The following SORCS2 variants were observed in gnomAD, a reference collection of about 807,000 sequenced individuals.
The protein encoded by SORCS2 is sortilin related VPS10 domain containing receptor 2.
SORCS2 carries 100 observed loss-of-function variants against 141.6 expected under a neutral mutation model. The ratio of observed to expected loss-of-function variants is 0.71; its 90% CI spans 0.60 to 0.83. The LOEUF (loss-of-function observed/expected upper bound fraction) is 0.83, where lower values mean the gene tolerates loss of function less well. Ranked by LOEUF, SORCS2 falls within the 40% of genes least tolerant of loss-of-function variation. The pLI is 0.00. For synonymous variants in SORCS2, 789 were observed against 676.9 expected, an observed-to-expected ratio of 1.17 and a Z score of -2.57; for missense variants, 1,646 against 1,560.2, an observed-to-expected ratio of 1.05 and a Z score of -0.93.
intron 1 of SORCS2, among the ~76,000 whole-genome samples, chr4:7,312,393 C>T (rs1296217727): frequency 6.6e-6 from 1 of 152,136 alleles, no homozygotes; most frequent in African/African-American, 2.4e-5. Context: ...CTGGGATGCC[C>T]CTCATGGGTT....
chr4:7,557,730 C>A (rs947368544), intron 3 of SORCS2, among the ~76,000 whole-genome samples: 5 of 152,168 alleles, frequency 3.3e-5, no homozygotes, highest in Non-Finnish European at 4.4e-5. Context: ...CACAGGCAAT[C>A]CCCAAGGCCT....
At chr4:7,232,899 G>T (rs915429321) in intron 1 of SORCS2, among the ~76,000 whole-genome samples, 2 of 152,214 alleles carry the variant, frequency 1.3e-5, no homozygotes, top group Non-Finnish European at 2.9e-5. Flanking sequence ...GGCACTGGGG[G>T]ACCCCCACCC....
At chr4:7,670,749 C>A (rs772372295) in intron 8 of SORCS2, among the ~76,000 whole-genome samples, 1 of 152,170 alleles carries the variant, frequency 6.6e-6, no homozygotes, top group Non-Finnish European at 1.5e-5. Context: ...TCCCCCACCC[C>A]GGCCCCATGG....
chr4:7,635,449 C>T (rs1207175891), intron 3 of SORCS2, among the ~76,000 whole-genome samples: 1 of 152,242 alleles, frequency 6.6e-6, no homozygotes, highest in Non-Finnish European at 1.5e-5. Context: ...ATCACTCTTA[C>T]GTCCCGCCAA....
chr4:7,317,065 A>G (rs9884489), intron 1 of SORCS2, among the ~76,000 whole-genome samples: 89,325 of 151,974 alleles, frequency 0.59, 26,321 homozygotes, highest in South Asian at 0.72. Context: ...GACTGTTGGG[A>G]CACCAGAATA....
intron 1 of SORCS2, among the ~76,000 whole-genome samples, chr4:7,194,209 T>TAGGGGTCCCCTA (rs1727034347): frequency 6.6e-6 from 1 of 152,010 alleles, no homozygotes; most frequent in Non-Finnish European, 1.5e-5. Context: ...TGCTGTCTCC[T>TAGGGGTCCCCTA]GGGGTCCCCT....
chr4:7,415,533 C>T (rs1005245628), intron 2 of SORCS2, among the ~76,000 whole-genome samples: 2 of 152,186 alleles, frequency 1.3e-5, no homozygotes, highest in African/African-American at 4.8e-5. Flanking sequence ...CCTGGATAAT[C>T]TAGGATAATC....
intron 1 of SORCS2, among the ~76,000 whole-genome samples, chr4:7,318,250 T>A (rs1245068952): frequency 6.6e-6 from 1 of 152,202 alleles, no homozygotes; most frequent in Non-Finnish European, 1.5e-5. Flanking sequence ...ATTATCCAGC[T>A]AAGAGGTGGC....
intron 1 of SORCS2, among the ~76,000 whole-genome samples, chr4:7,371,682 TG>T (rs1722257274): frequency 6.6e-6 from 1 of 152,140 alleles, no homozygotes; most frequent in African/African-American, 2.4e-5. Flanking sequence ...TAATTACTTG[TG>T]GATGAACTGA....
At chr4:7,671,831 A>T (rs971669745) in intron 8 of SORCS2, among the ~76,000 whole-genome samples, 1 of 152,174 alleles carries the variant, frequency 6.6e-6, no homozygotes, top group African/African-American at 2.4e-5. Flanking sequence ...ATCAATTTAT[A>T]TTGATGAAAG....
chr4:7,526,532 C>T (rs867718029), intron 2 of SORCS2, among the ~76,000 whole-genome samples: 6 of 150,666 alleles, frequency 4.0e-5, no homozygotes, highest in East Asian at 1.9e-4. Context: ...GATGAATCGG[C>T]GGAGAACAGG....
intron 2 of SORCS2, among the ~76,000 whole-genome samples, chr4:7,504,911 G>A (rs1207266599): frequency 9.8e-5 from 15 of 152,326 alleles, no homozygotes; most frequent in South Asian, 6.2e-4. Context: ...TCTGATGGCC[G>A]TAGGCGCTGA....
intron 1 of SORCS2, among the ~76,000 whole-genome samples, chr4:7,319,491 G>T (rs1259194400): frequency 6.6e-6 from 1 of 152,106 alleles, no homozygotes; most frequent in Non-Finnish European, 1.5e-5. Context: ...AATTGCTTGA[G>T]ACCAGGAGTT....
intron 1 of SORCS2, among the ~76,000 whole-genome samples, chr4:7,367,211 G>C (rs1721952071): frequency 6.6e-6 from 1 of 152,164 alleles, no homozygotes; most frequent in Non-Finnish European, 1.5e-5. Flanking sequence ...GCAATGACTT[G>C]GCCATCCTTG....
intron 2 of SORCS2, among the ~76,000 whole-genome samples, chr4:7,482,844 C>G (rs1328485367): frequency 6.6e-6 from 1 of 151,574 alleles, no homozygotes; most frequent in Non-Finnish European, 1.5e-5. Context: ...CTGTTCAGAC[C>G]TGTATCCCCG....
In SORCS2 at chr4:7,457,302, C is replaced by CTTT. The variant is rs1728976202; in HGVS notation, c.548+60947_548+60948insTTT. On this transcript the variant is annotated intron_variant, in intron 2 of 26. Coordinates refer to ENST00000507866, the MANE Select transcript of SORCS2 (RefSeq NM_020777.3). The stretch of plus-strand genomic sequence containing the variant: ...TGAGGTGACTTTATCCCTGAAAGGA[C>CTTT]ATGCAGCCAGGCCTGGAGGCAGAGG... 6.6e-5 allele frequency among the ~76,000 whole-genome samples: 10 copies of CTTT among 152,358 alleles called. No individual in the cohort carries two copies. In the South Asian group the frequency reaches 2.1e-3, roughly 32 times the overall value.
At chr4:7,501,114 C>T (rs935014178) in intron 2 of SORCS2, among the ~76,000 whole-genome samples, 4 of 152,294 alleles carry the variant, frequency 2.6e-5, no homozygotes, top group South Asian at 4.1e-4. Context: ...TGTGAAGGCG[C>T]GGGTGAGACG....
intron 1 of SORCS2, among the ~76,000 whole-genome samples, chr4:7,362,564 C>A (rs1448313018): frequency 1.3e-5 from 2 of 152,126 alleles, no homozygotes; most frequent in Admixed American, 1.3e-4. Context: ...TGTGTTGGTG[C>A]TGAAGGCCTA....
intron 7 of SORCS2, among the ~76,000 whole-genome samples, chr4:7,665,711 A>AC (rs1722462030): frequency 6.6e-6 from 1 of 151,034 alleles, no homozygotes; most frequent in Admixed American, 6.6e-5. Flanking sequence ...CTAGGTCTGA[A>AC]CCCCCCACCT....
Sources: gnomAD v4.1 joint callset for allele counts (sites outside exome capture counted in the v4.1 genomes callset) on GRCh38, gnomAD v4.1.1 for gene constraint, MANE v1.5 for transcripts, NCBI Gene and HGNC (gene_info 2026-07-23, HGNC 2026-07-21) for gene names.